Variants in NCK2 observed in about 807,000 individuals in gnomAD.
NCK2 encodes NCK adaptor protein 2, also known as cytoplasmic protein NCK2.
In NCK2, 16 loss-of-function variants were observed where a neutral mutation model predicts 33.9. That is an observed-to-expected ratio of 0.47 (90% CI 0.32 to 0.72). NCK2 has a LOEUF of 0.72. NCK2 is among the 30% of genes least tolerant of loss of function. NCK2 has a pLI of 0.03. For synonymous variants in NCK2, 273 were observed against 239.9 expected, an observed-to-expected ratio of 1.14 and a Z score of -1.27; for missense variants, 418 against 537.3, an observed-to-expected ratio of 0.78 and a Z score of 2.19.
chr2:105,778,171 C>T (rs547226035), intron 1 of NCK2, among the ~76,000 whole-genome samples: 159 of 152,312 alleles, frequency 1.0e-3, no homozygotes, highest in Admixed American at 2.1e-3. Flanking sequence ...GACTGGGTCC[C>T]GGGCTTAGAG....
intron 1 of NCK2, among the ~76,000 whole-genome samples, chr2:105,794,300 C>T (rs1173419190): frequency 1.3e-5 from 2 of 152,128 alleles, no homozygotes; most frequent in Non-Finnish European, 2.9e-5. Flanking sequence ...GATCCGCCCG[C>T]CTCAGCCTCC....
At chr2:105,871,329 C>T (rs1677993204) in intron 3 of NCK2, among the ~76,000 whole-genome samples, 2 of 151,766 alleles carry the variant, frequency 1.3e-5, no homozygotes, top group African/African-American at 2.4e-5. Context: ...CGCTGCGCCA[C>T]GTTATTGTAG....
At chr2:105,757,057 G>A (rs4851841) in intron 1 of NCK2, among the ~76,000 whole-genome samples, 48,972 of 151,868 alleles carry the variant, frequency 0.32, 8,361 homozygotes, top group East Asian at 0.47. Flanking sequence ...TGCCTGCCTC[G>A]GCCTCCCAGA....
chr2:105,806,456 C>G (rs1675046010), intron 1 of NCK2, among the ~76,000 whole-genome samples: 1 of 152,142 alleles, frequency 6.6e-6, no homozygotes, highest in Admixed American at 6.5e-5. Flanking sequence ...CCAGGATGGT[C>G]TCGATCTCTT....
At chr2:105,815,285 A>G (rs1041011653) in intron 1 of NCK2, among the ~76,000 whole-genome samples, 9 of 152,246 alleles carry the variant, frequency 5.9e-5, no homozygotes, top group African/African-American at 2.2e-4. Context: ...TAATTTTTAA[A>G]TCAAAATTTA....
chr2:105,755,913 G>A (rs1271039243), intron 1 of NCK2, among the ~76,000 whole-genome samples: 4 of 152,116 alleles, frequency 2.6e-5, no homozygotes, highest in Non-Finnish European at 5.9e-5. Context: ...TTCCTTCTTT[G>A]TATAGTTCTA....
At chr2:105,868,693 T>A (rs1677857881) in intron 3 of NCK2, among the ~76,000 whole-genome samples, 1 of 152,248 alleles carries the variant, frequency 6.6e-6, no homozygotes, top group Non-Finnish European at 1.5e-5. Context: ...CTTGATCCCC[T>A]TGTGCTTCTA....
intron 2 of NCK2, among the ~76,000 whole-genome samples, chr2:105,850,578 T>C (rs11124065): frequency 0.93 from 141,755 of 152,226 alleles, 66,074 homozygotes; most frequent in East Asian, 0.98. Flanking sequence ...CCCTTCTCTC[T>C]TTGGGCTAGA....
At chr2:105,828,623 T>C (rs1676047522) in intron 2 of NCK2, among the ~76,000 whole-genome samples, 1 of 152,338 alleles carries the variant, frequency 6.6e-6, no homozygotes, top group Admixed American at 6.5e-5. Flanking sequence ...TTCATGAATC[T>C]AGACACACAA....
chr2:105,801,010 A>G (rs942214893), intron 1 of NCK2, among the ~76,000 whole-genome samples: 1 of 152,204 alleles, frequency 6.6e-6, no homozygotes, highest in Admixed American at 6.5e-5. Context: ...TTCTAAACGC[A>G]GAAAAAAGCA....
At chr2:105,874,728 T>C (rs1191139460) in intron 3 of NCK2, among the ~76,000 whole-genome samples, 2 of 152,242 alleles carry the variant, frequency 1.3e-5, no homozygotes, top group African/African-American at 4.8e-5. Context: ...TGTTACAACA[T>C]CTCTTCATCT....
chr2:105,768,724 G>T (rs537970725), intron 1 of NCK2, among the ~76,000 whole-genome samples: 1 of 152,094 alleles, frequency 6.6e-6, no homozygotes, highest in Non-Finnish European at 1.5e-5. Context: ...TGTATTTTAT[G>T]TATGGCCCAA....
chr2:105,862,558 T>TG (rs1401327012), intron 3 of NCK2, among the ~76,000 whole-genome samples: 1 of 152,152 alleles, frequency 6.6e-6, no homozygotes, highest in African/African-American at 2.4e-5. Flanking sequence ...TTTGTACGTT[T>TG]GGGGGGACTC....
intron 4 of NCK2, 127 bp downstream of exon 4, chr2:105,882,176 A>G: frequency 9.1e-7 from 1 of 1,103,840 alleles, no homozygotes. Flanking sequence ...AGATGAATGC[A>G]ATTTAGTATA....
chr2:105,779,359 C>T (rs985822354), intron 1 of NCK2, among the ~76,000 whole-genome samples: 1 of 151,458 alleles, frequency 6.6e-6, no homozygotes. Context: ...TAAAATCACT[C>T]CTGAAGAAAA....
intron 4 of NCK2, among the ~76,000 whole-genome samples, chr2:105,890,968 A>G (rs3769489): frequency 0.22 from 33,712 of 152,196 alleles, 4,149 homozygotes; most frequent in Admixed American, 0.33. Flanking sequence ...TGAGAAAAGC[A>G]GAAAACTGGT....
intron 3 of NCK2, among the ~76,000 whole-genome samples, chr2:105,871,582 G>A (rs1322093254): frequency 6.6e-6 from 1 of 151,600 alleles, no homozygotes; most frequent in Non-Finnish European, 1.5e-5. Flanking sequence ...TGCAACCTCC[G>A]ACTCCCAGGT....
At chr2:105,776,633 T>C (rs1246270350) in intron 1 of NCK2, among the ~76,000 whole-genome samples, 1 of 152,154 alleles carries the variant, frequency 6.6e-6, no homozygotes, top group Non-Finnish European at 1.5e-5. Flanking sequence ...GGTTAGCTGG[T>C]GAGCAGATGA....
intron 1 of NCK2, among the ~76,000 whole-genome samples, chr2:105,812,308 A>G (rs1037167017): frequency 6.6e-6 from 1 of 152,192 alleles, no homozygotes; most frequent in Non-Finnish European, 1.5e-5. Context: ...TGATAAACAC[A>G]TCTAAGCTGC....
Sources: gnomAD v4.1 joint callset for allele counts (sites outside exome capture counted in the v4.1 genomes callset) on GRCh38, gnomAD v4.1.1 for gene constraint, MANE v1.5 for transcripts, NCBI Gene and HGNC (gene_info 2026-07-23, HGNC 2026-07-21) for gene names.